Variants in PRKAG1 observed in about 807,000 individuals in gnomAD.
The protein encoded by PRKAG1 is protein kinase AMP-activated non-catalytic subunit gamma 1, also known as 5'-AMP-activated protein kinase subunit gamma-1.
In PRKAG1, 27 loss-of-function variants were observed where a neutral mutation model predicts 48.2. The observed-to-expected ratio is 0.56, with a 90% CI of 0.41 to 0.77. The LOEUF (loss-of-function observed/expected upper bound fraction) is 0.77, where lower values mean the gene tolerates loss of function less well. Ranked by LOEUF, PRKAG1 falls within the 30% of genes least tolerant of loss-of-function variation. The pLI is 0.00. For synonymous variants in PRKAG1, 130 were observed against 147.7 expected (o/e 0.88, Z 0.87); for missense variants, 287 against 398.3 (o/e 0.72, Z 2.38).
At chr12:49,016,502 CTGTCT>C (rs1356242740) in intron 1 of PRKAG1, 1 of 152,254 alleles carries the variant, frequency 6.6e-6, no homozygotes, top group Non-Finnish European at 1.5e-5. Flanking sequence ...TTTTGCACAG[CTGTCT>C]TCTTAACACT....
At chr12:49,017,315 C>CTGAG (rs1942025780) in intron 1 of PRKAG1, 26 of 421,506 alleles carry the variant, frequency 6.2e-5, no homozygotes, top group South Asian at 4.4e-4. Flanking sequence ...ATCCTCCCAC[C>CTGAG]TGAGCCTCCC....
chr12:49,013,610 T>C (rs1171076462), intron 1 of PRKAG1, among the ~76,000 whole-genome samples: 1 of 152,164 alleles, frequency 6.6e-6, no homozygotes, highest in Non-Finnish European at 1.5e-5. Flanking sequence ...AATACTATTA[T>C]TAGCCTTATT....
At chr12:49,004,672 G>A in intron 7 of PRKAG1, 39 bp from the exon 8 acceptor site, 3 of 1,613,716 alleles carry the variant, frequency 1.9e-6, no homozygotes, top group Non-Finnish European at 2.5e-6. Flanking sequence ...CACAGTGCTG[G>A]GGCTGGGGGT....
intron 2 of PRKAG1, among the ~76,000 whole-genome samples, chr12:49,007,501 T>A (rs888524340): frequency 6.6e-6 from 1 of 152,190 alleles, no homozygotes; most frequent in East Asian, 1.9e-4. Flanking sequence ...TTTATTTTTT[T>A]AACCAAAGTT....
rs201632997 is a variant in PRKAG1, at chr12:49,003,824, G to T, written c.636C>A (p.Pro212=). 6.2e-7 allele frequency: 1 copy of T among 1,613,966 alleles called. No individual in the cohort carries two copies. Among genetic ancestry groups the T allele is most frequent in the African/African-American group, 1.3e-5 (1 of 74,902 alleles). The stretch of plus-strand genomic sequence containing the variant: ...CAAAAATCCCCAGAGCCACATAGAC[G>T]GGGGTGGTAGTGCGAACCATAGCAA... ...ANIAMVRTTT[P]VYVALGIFVQ... The change falls in exon 9 of 12, where the codon CCC becomes CCA. Residue 212 remains proline, a synonymous_variant. Coordinates refer to ENST00000548065, the MANE Select transcript of PRKAG1 (RefSeq NM_002733.5).
intron 2 of PRKAG1, among the ~76,000 whole-genome samples, chr12:49,009,084 T>C (rs960270262): frequency 2.0e-5 from 3 of 151,944 alleles, no homozygotes; most frequent in Admixed American, 1.3e-4. Context: ...CTTTAAATGT[T>C]TGTTTGTTTT....
intron 1 of PRKAG1, among the ~76,000 whole-genome samples, chr12:49,013,995 G>C (rs182403025): frequency 1.3e-5 from 2 of 151,932 alleles, no homozygotes; most frequent in South Asian, 4.2e-4. Context: ...AGCAATTCCC[G>C]TGCCTCAGCC....
chr12:49,009,881 G>C (rs2137669102), intron 2 of PRKAG1, among the ~76,000 whole-genome samples: 1 of 152,296 alleles, frequency 6.6e-6, no homozygotes, highest in Non-Finnish European at 1.5e-5. Flanking sequence ...CCAAAGTGCT[G>C]GGATTACAGG....
At chr12:49,004,427 G>A in intron 8 of PRKAG1, 80 bp downstream of exon 8, 7 of 1,554,948 alleles carry the variant, frequency 4.5e-6, no homozygotes, top group Non-Finnish European at 6.2e-6. Flanking sequence ...AACACAGTGA[G>A]ACCTCGTCTC....
rs547361699 is a variant in PRKAG1 at position 49,008,598 on chromosome 12, T to C, written c.59-2746A>G. 7 of 152,328 alleles carry C rather than the reference T, an allele frequency of 4.6e-5. No individual in the cohort carries two copies. The South Asian group carries it at 1.5e-3, about 32-fold the overall frequency. The allele number at this position is 152,328 out of a possible 1,614,324, so 9.4% of individuals were successfully genotyped here. Reference sequence around the variant, plus strand: ...TGGTGGAACACATCTTCCAGTAGCTTCCTGAGAAAGGGTGCATGGGAGGTA... The same window carrying C: ...TGGTGGAACACATCTTCCAGTAGCTCCCTGAGAAAGGGTGCATGGGAGGTA... On this transcript the variant is annotated intron_variant, in intron 2 of 11. Transcript: ENST00000548065.
At chr12:49,010,985 G>A (rs982289534) in intron 2 of PRKAG1, among the ~76,000 whole-genome samples, 2 of 151,522 alleles carry the variant, frequency 1.3e-5, no homozygotes, top group East Asian at 1.9e-4. Context: ...CTGGGATTAC[G>A]GCACATGTCA....
At chr12:49,006,386 T>A (rs552502165) in intron 2 of PRKAG1, among the ~76,000 whole-genome samples, 4 of 151,668 alleles carry the variant, frequency 2.6e-5, no homozygotes, top group East Asian at 2.0e-4. Flanking sequence ...AAAAAAAAAA[T>A]TATTCTAAGA....
At chr12:49,011,249 C>T (rs957207547) in intron 2 of PRKAG1, among the ~76,000 whole-genome samples, 1 of 152,206 alleles carries the variant, frequency 6.6e-6, no homozygotes, top group Non-Finnish European at 1.5e-5. Flanking sequence ...AAGATACATA[C>T]ACTACATTGA....
chr12:49,005,824 A>G lies in PRKAG1; in HGVS notation c.87T>C (p.Tyr29=). Residue 29 remains tyrosine, a synonymous_variant, in exon 3 of 12, where the codon TAT becomes TAC. Transcript: ENST00000548065. The surrounding 1 kb of genome is among the most constrained non-coding windows in gnomAD (Gnocchi z 4.1). Reference sequence around the variant, plus strand: ...AGCGATGAGACTTCATGAAGGAAGTATACACGCTATTGTTGGATTCTGGGG... The same window carrying G: ...AGCGATGAGACTTCATGAAGGAAGTGTACACGCTATTGTTGGATTCTGGGG... ...QETPESNNSV[Y]TSFMKSHRCY... 2 of 1,612,264 alleles carry G rather than the reference A, an allele frequency of 1.2e-6. No homozygotes were observed. The highest frequency in any genetic ancestry group is 1.7e-6 in the Non-Finnish European group (2 of 1,178,938).
chr12:49,005,828 A>C lies in PRKAG1; in HGVS notation c.83T>G (p.Val28Gly). The C allele has an allele frequency of 6.2e-7, 1 of 1,611,104 alleles. No homozygotes were observed. The highest frequency in any genetic ancestry group is 1.3e-5 in the African/African-American group (1 of 74,946). ...PQETPESNNS[V>G]YTSFMKSHRC... is the part of the protein sequence containing the mutation. Reference sequence around the variant, plus strand: ...ATGAGACTTCATGAAGGAAGTATACACGCTATTGTTGGATTCTGGGGTCTC... The same window carrying C: ...ATGAGACTTCATGAAGGAAGTATACCCGCTATTGTTGGATTCTGGGGTCTC... Residue 28 changes from valine to glycine, a missense_variant, in exon 3 of 12, where the codon GTG becomes GGG. Around this residue, in one of 2 missense-constraint regions of PRKAG1, gnomAD observed 63 missense variants for 54.0 expected, o/e 1.17. Transcript: ENST00000548065. The surrounding 1 kb of genome is among the most constrained non-coding windows in gnomAD (Gnocchi z 4.1).
intron 1 of PRKAG1, chr12:49,018,418 G>A: frequency 7.8e-7 from 1 of 1,281,172 alleles, no homozygotes; most frequent in Non-Finnish European, 1.0e-6. Context: ...CTCTAAAAGG[G>A]CTTGAGGTGC....
intron 7 of PRKAG1, 27 bp from the exon 8 acceptor site, chr12:49,004,660 T>C: frequency 1.2e-6 from 2 of 1,613,552 alleles, no homozygotes; most frequent in Non-Finnish European, 8.5e-7. Flanking sequence ...GATAATAAGT[T>C]CCACAGTGCT....
chr12:49,007,011 C>T (rs568201941), intron 2 of PRKAG1, among the ~76,000 whole-genome samples: 1 of 150,516 alleles, frequency 6.6e-6, no homozygotes, highest in Admixed American at 6.7e-5. Context: ...ATTGGCTGGG[C>T]GTGGTGGCTC....
At position 49,004,972 on chromosome 12, in the gene PRKAG1, A is replaced by G; in HGVS notation, c.402T>C (p.Pro134=). ...GGGTAACTGGAACTCACCTGGCATT[A>G]GGAGAAATGCAGACAAGCGGTTTAA... ...DSFKPLVCIS[P]NASLFDAVSS... Residue 134 remains proline (P), a synonymous_variant, in exon 7 of 12, where the codon CCT becomes CCC. Transcript: ENST00000548065. The G allele has an allele frequency of 1.2e-6, 2 of 1,613,956 alleles. No individual in the cohort carries two copies. The highest frequency in any genetic ancestry group is 1.1e-5 in the South Asian group (1 of 91,082).
Sources: allele counts gnomAD v4.1 joint callset (sites outside exome capture counted in the v4.1 genomes callset), GRCh38; gene constraint gnomAD v4.1.1; regional missense constraint gnomAD v4.1.1; non-coding constraint Gnocchi (gnomAD v3.1); transcripts MANE v1.5; gene names NCBI Gene and HGNC (gene_info 2026-07-23, HGNC 2026-07-21).